The following ASAH2 variants were observed in gnomAD, a reference collection of about 807,000 sequenced individuals.
ASAH2 encodes the protein N-acylsphingosine amidohydrolase 2.
ASAH2 carries 58 observed loss-of-function variants against 82.9 expected under a neutral mutation model. The ratio of observed to expected loss-of-function variants is 0.70; its 90% CI spans 0.57 to 0.87. ASAH2 has a LOEUF of 0.87. ASAH2 is among the 40% of genes least tolerant of loss of function. The pLI, the probability that ASAH2 is intolerant of heterozygous loss-of-function variation, is 0.00. For synonymous variants in ASAH2, 276 were observed against 289.7 expected (o/e 0.95, Z 0.48); for missense variants, 779 against 834.0 (o/e 0.93, Z 0.81).
intron 20 of ASAH2, among the ~76,000 whole-genome samples, chr10:50,189,105 A>G (rs1435756683): frequency 2.0e-5 from 3 of 146,712 alleles, no homozygotes; most frequent in East Asian, 2.0e-4. Flanking sequence ...CATGTCAGGT[A>G]TAGACTCATT....
intron 7 of ASAH2, among the ~76,000 whole-genome samples, chr10:50,229,554 C>T (rs566952258): frequency 5.9e-5 from 9 of 152,234 alleles, no homozygotes; most frequent in African/African-American, 2.2e-4. Flanking sequence ...AACTCCCAAC[C>T]CAAGTTTGAA....
chr10:50,223,055 C>A (rs1845787378), intron 7 of ASAH2, among the ~76,000 whole-genome samples: 1 of 152,194 alleles, frequency 6.6e-6, no homozygotes, highest in Admixed American at 6.5e-5. Context: ...AAAAATACAG[C>A]AGAAAGTCAA....
intron 7 of ASAH2, among the ~76,000 whole-genome samples, chr10:50,232,529 C>A (rs1472917632): frequency 6.6e-6 from 1 of 152,102 alleles, no homozygotes; most frequent in East Asian, 1.9e-4. Context: ...CCAGTCAATT[C>A]CTGAGTCAGG....
chr10:50,242,173 G>A (rs1423906298), intron 4 of ASAH2, among the ~76,000 whole-genome samples: 2 of 151,328 alleles, frequency 1.3e-5, no homozygotes, highest in African/African-American at 4.9e-5. Context: ...TACAGAAAAT[G>A]GAAATACCAA....
At chr10:50,206,814 G>A (rs1470333752) in intron 12 of ASAH2, among the ~76,000 whole-genome samples, 2 of 151,748 alleles carry the variant, frequency 1.3e-5, no homozygotes, top group Admixed American at 6.6e-5. Context: ...CTAGGCAGAA[G>A]ATCAACAGAA....
intron 10 of ASAH2, among the ~76,000 whole-genome samples, chr10:50,212,394 G>A (rs1845480379): frequency 6.6e-6 from 1 of 152,138 alleles, no homozygotes; most frequent in African/African-American, 2.4e-5. Flanking sequence ...GTAATTCATA[G>A]TAATCTCACT....
Position 50,223,212 on chromosome 10 carries a change from T to C in ASAH2, c.894-4582A>G, listed in dbSNP as rs1378691581. 9.2e-5 allele frequency among the ~76,000 whole-genome samples: 14 copies of C among 152,290 alleles called. No homozygotes were observed. In the East Asian group the frequency reaches 2.7e-3, roughly 29 times the overall value. ...ATTAATATAAAACACTACAATTTTT[T>C]TTTCCTTCTGTGTAAAGGAGGCATT... is the stretch of plus-strand genomic sequence containing the variant. On this transcript the variant is annotated intron_variant, in intron 7 of 20. Transcript: ENST00000682911.
At chr10:50,211,006 C>A in intron 11 of ASAH2, 24 bp downstream of exon 11, 2 of 1,603,808 alleles carry the variant, frequency 1.2e-6, no homozygotes, top group South Asian at 1.1e-5. Flanking sequence ...TGGGGCATAA[C>A]CAGTGTGTCT....
intron 2 of ASAH2, among the ~76,000 whole-genome samples, chr10:50,246,584 C>CTAACA (rs1846464484): frequency 6.6e-6 from 1 of 152,122 alleles, no homozygotes; most frequent in Admixed American, 6.6e-5. Flanking sequence ...TAGAGATCAC[C>CTAACA]TAACATAATC....
chr10:50,246,929 G>A (rs767392476), intron 2 of ASAH2, among the ~76,000 whole-genome samples: 25 of 152,086 alleles, frequency 1.6e-4, no homozygotes, highest in Non-Finnish European at 2.9e-4. Context: ...TTCCCCAAGC[G>A]TAAAATGAAA....
rs1379645400 is a variant in ASAH2, at chr10:50,203,674, A to G, written c.1631T>C (p.Met544Thr). 56 of 1,612,428 alleles carry G rather than the reference A, an allele frequency of 3.5e-5. No individual in the cohort carries two copies. Among genetic ancestry groups the G allele is most frequent in the African/African-American group, 2.7e-5 (2 of 74,860 alleles). ...TGCCTCTCGAAGTCTTCGTCCAGAC[A>G]TGGTCCTGAGTCAAGAAAAAAATTA... is the stretch of plus-strand genomic sequence containing the variant. ...ITAIPGEFTT[M>T]SGRRLREAVQ... Residue 544 changes from methionine to threonine, a missense_variant, in exon 15 of 21, where the codon ATG (methionine) becomes ACG (threonine). By Grantham distance (81) the Met-to-Thr change is moderately conservative. Around this residue, in one of 3 missense-constraint regions of ASAH2, gnomAD observed 759 missense variants for 755.2 expected, o/e 1.00. Coordinates refer to ENST00000682911, the MANE Select transcript of ASAH2 (RefSeq NM_019893.4).
At chr10:50,237,500 C>G (rs1280662701) in intron 4 of ASAH2, among the ~76,000 whole-genome samples, 3 of 152,190 alleles carry the variant, frequency 2.0e-5, no homozygotes, top group Non-Finnish European at 2.9e-5. Flanking sequence ...TCTGGGAATC[C>G]TGACACACAG....
chr10:50,202,010 A>G (rs1845162354), intron 16 of ASAH2, among the ~76,000 whole-genome samples: 2 of 152,110 alleles, frequency 1.3e-5, no homozygotes, highest in Non-Finnish European at 2.9e-5. Context: ...TGAAATGCTT[A>G]ATAATAGTTA....
Position 50,202,891 on chromosome 10 carries a change from C to T in ASAH2, c.1699G>A (p.Val567Ile). 6.2e-7 allele frequency: 1 copy of T among 1,611,966 alleles called. No homozygotes were observed. The highest frequency in any genetic ancestry group is 2.2e-5 in the East Asian group (1 of 44,766). ...FASHGMQNMT[V>I]VISGLCNVYT... ...ACGTTGCATAGACCTGAAATAACAA[C>T]AGTCATGTTCTGCATCCCATGAGAT... The change falls in exon 16 of 21, where the codon GTT becomes ATT. Residue 567 changes from valine to isoleucine, a missense_variant. Transcript: ENST00000682911.
intron 7 of ASAH2, among the ~76,000 whole-genome samples, chr10:50,230,290 A>T (rs1349313382): frequency 6.6e-6 from 1 of 152,170 alleles, no homozygotes; most frequent in Admixed American, 6.6e-5. Flanking sequence ...CTTGGCTGTG[A>T]TGCTGGGCAG....
chr10:50,214,984 A>C, intron 8 of ASAH2, 116 bp from the exon 9 acceptor site: 1 of 1,304,998 alleles, frequency 7.7e-7, no homozygotes, highest in Non-Finnish European at 1.1e-6. Flanking sequence ...ATTTGCAGGC[A>C]ATAAAAAGAG....
chr10:50,209,810 G>A (rs1468892209), intron 12 of ASAH2, among the ~76,000 whole-genome samples: 1 of 151,998 alleles, frequency 6.6e-6, no homozygotes, highest in African/African-American at 2.4e-5. Context: ...TAATTATTAG[G>A]GAAATGCAAA....
intron 10 of ASAH2, 114 bp from the exon 11 acceptor site, chr10:50,211,248 T>G: frequency 1.2e-6 from 1 of 833,284 alleles, no homozygotes; most frequent in Non-Finnish European, 2.0e-6. Context: ...TCAGCAAAGC[T>G]TTTGTTTTGC....
intron 18 of ASAH2, among the ~76,000 whole-genome samples, chr10:50,193,730 A>G (rs1844902724): frequency 6.6e-6 from 1 of 151,784 alleles, no homozygotes; most frequent in Admixed American, 6.6e-5. Flanking sequence ...TGCAATAGGT[A>G]AAAGCAATAA....
Sources: gnomAD v4.1 joint callset for allele counts (sites outside exome capture counted in the v4.1 genomes callset) on GRCh38, gnomAD v4.1.1 for gene constraint, gnomAD v4.1.1 regional missense constraint, MANE v1.5 for transcripts, NCBI Gene and HGNC (gene_info 2026-07-23, HGNC 2026-07-21) for gene names.